Variants in RMP64 observed in about 807,000 individuals in gnomAD.
The protein encoded by RMP64 is ribonuclease MRP subunit p64, also known as nucleolus and neural progenitor protein.
the RMP64 span, among the ~76,000 whole-genome samples, chr3:113,018,844 A>T: frequency 6.6e-6 from 1 of 152,166 alleles, no homozygotes; most frequent in Non-Finnish European, 1.5e-5. Flanking sequence ...TCAGTGAGGC[A>T]CAGAAAGGTT....
the RMP64 span, among the ~76,000 whole-genome samples, chr3:113,009,156 T>G: frequency 6.6e-6 from 1 of 152,194 alleles, no homozygotes. Flanking sequence ...TTCAACCATC[T>G]TCTGACAAGG....
the RMP64 span, chr3:113,005,863 T>C: frequency 6.2e-7 from 1 of 1,613,796 alleles, no homozygotes. Flanking sequence ...ACTGCAACTT[T>C]CTCTGTGGTT....
chr3:113,019,629 G>A, the RMP64 span: 4 of 1,613,526 alleles, frequency 2.5e-6, no homozygotes, highest in East Asian at 2.2e-5. Context: ...TCCAGGCCCG[G>A]CGGCACCGCA....
chr3:113,012,633 T>G, the RMP64 span: 2 of 734,504 alleles, frequency 2.7e-6, no homozygotes, highest in East Asian at 5.0e-5. Context: ...ACCTGCACCT[T>G]CCATAACCCC....
At chr3:113,014,823 TTCTC>T in the RMP64 span, 57 of 152,348 alleles carry the variant, frequency 3.7e-4, no homozygotes, top group African/African-American at 5.3e-4. Context: ...CCTCTGCATC[TTCTC>T]TCTTTCTCCC....
At chr3:113,013,592 C>T in the RMP64 span, among the ~76,000 whole-genome samples, 2 of 151,970 alleles carry the variant, frequency 1.3e-5, no homozygotes, top group East Asian at 1.9e-4. Flanking sequence ...CGACCCTTCA[C>T]ATTTTCAGCT....
At chr3:113,003,700 G>C in the RMP64 span, 10 of 152,022 alleles carry the variant, frequency 6.6e-5, no homozygotes, top group South Asian at 2.1e-3. Context: ...GAACCACCCT[G>C]GTTTTTCCAA....
chr3:113,017,911 A>G, the RMP64 span, among the ~76,000 whole-genome samples: 1 of 152,202 alleles, frequency 6.6e-6, no homozygotes. Context: ...CATTTGGTGT[A>G]CACTTACGCC....
the RMP64 span, chr3:113,012,902 A>G: frequency 1.2e-6 from 1 of 817,066 alleles, no homozygotes; most frequent in Non-Finnish European, 2.1e-6. Context: ...TTGGAAGTAA[A>G]GAGAATTTTC....
the RMP64 span, chr3:113,013,853 G>C: frequency 3.5e-6 from 3 of 861,800 alleles, no homozygotes; most frequent in Non-Finnish European, 5.8e-6. Context: ...GGTATAATTG[G>C]TTATATTCCA....
chr3:113,018,166 G>C, the RMP64 span, among the ~76,000 whole-genome samples: 1 of 152,200 alleles, frequency 6.6e-6, no homozygotes, highest in Non-Finnish European at 1.5e-5. Flanking sequence ...CTCATCAGCA[G>C]ATGCTTCCTA....
At chr3:113,006,094 CACAACTTATCT>C in the RMP64 span, 1 of 847,844 alleles carries the variant, frequency 1.2e-6, no homozygotes, top group Non-Finnish European at 1.8e-6. Context: ...AAGAAAAATA[CACAACTTATCT>C]ACAAGTCCTA....
chr3:113,018,892 G>C, the RMP64 span, among the ~76,000 whole-genome samples: 1 of 152,194 alleles, frequency 6.6e-6, no homozygotes, highest in Non-Finnish European at 1.5e-5. Context: ...GGTAGAGCTA[G>C]TATTCAAACC....
the RMP64 span, among the ~76,000 whole-genome samples, chr3:113,017,269 T>A: frequency 6.6e-6 from 1 of 152,222 alleles, no homozygotes; most frequent in Admixed American, 6.5e-5. Context: ...TTTGAAATGC[T>A]GAAATGCTTT....
the RMP64 span, chr3:113,017,486 T>C: frequency 6.2e-7 from 1 of 1,614,204 alleles, no homozygotes; most frequent in Non-Finnish European, 8.5e-7. Flanking sequence ...CGGCCCATTC[T>C]GTTGTGATTG....
chr3:113,015,027 T>C, the RMP64 span: 2 of 152,194 alleles, frequency 1.3e-5, no homozygotes, highest in Non-Finnish European at 2.9e-5. Context: ...AAACCGCTGT[T>C]AAAACAGAAT....
chr3:113,017,722 A>G, the RMP64 span: 1 of 866,454 alleles, frequency 1.2e-6, no homozygotes, highest in African/African-American at 1.7e-5. Context: ...AAACTAATGT[A>G]ATCAGTCTCA....
At chr3:113,005,654 C>T in the RMP64 span, 1 of 1,613,248 alleles carries the variant, frequency 6.2e-7, no homozygotes, top group Non-Finnish European at 8.5e-7. Flanking sequence ...TTCATGGATG[C>T]CTCTAAGATT....
the RMP64 span, chr3:113,014,155 T>C: frequency 3.2e-6 from 2 of 632,086 alleles, no homozygotes; most frequent in Non-Finnish European, 5.7e-6. Context: ...TATCACAGAA[T>C]ACCTTATTTT....
Sources: allele counts gnomAD v4.1 joint callset (sites outside exome capture counted in the v4.1 genomes callset), GRCh38; gene constraint gnomAD v4.1.1; transcripts MANE v1.5; gene names NCBI Gene and HGNC (gene_info 2026-07-23, HGNC 2026-07-21).